Variants in SOX6 observed in about 807,000 individuals in gnomAD.
SOX6 encodes the protein SRY-box transcription factor 6, also known as transcription factor SOX-6.
SOX6 carries 11 observed loss-of-function variants against 97.8 expected under a neutral mutation model. That is an observed-to-expected ratio of 0.11 (90% CI 0.07 to 0.19). The LOEUF (loss-of-function observed/expected upper bound fraction) is 0.19. SOX6 is among the 10% of genes least tolerant of loss of function. The probability of loss-of-function intolerance (pLI) is 1.00; values close to 1 mark genes in which losing one functional copy is unlikely to be tolerated. For missense variants in SOX6, 810 were observed against 1,039.5 expected (o/e 0.78, Z 3.04); for synonymous variants, 360 against 371.4 (o/e 0.97, Z 0.35).
rs1395635178 is a variant in SOX6 at position 15,986,326 on chromosome 11, G to A, written c.2061C>T (p.Asn687=). 1.9e-6 allele frequency: 3 copies of A among 1,614,100 alleles called. No homozygotes were observed. The highest frequency in any genetic ancestry group is 3.3e-5 in the Admixed American group (2 of 60,010). ...GTTTCGGTCGGGGTTTGTATTTATA[G>A]TTTGGGTACTTCTCTAAGTGGATCT... ...LSKIHLEKYP[N]YKYKPRPKRT... The change falls in exon 15 of 16, where the codon AAC becomes AAT. Residue 687 remains asparagine, a synonymous_variant. Coordinates refer to ENST00000683767, the MANE Select transcript of SOX6 (RefSeq NM_001367873.1).
chr11:16,682,370 A>G (rs1847934846), intron 3 of SOX6, among the ~76,000 whole-genome samples: 1 of 152,190 alleles, frequency 6.6e-6, no homozygotes, highest in Non-Finnish European at 1.5e-5. Flanking sequence ...CCAGCAGCAT[A>G]TGAAAAAGTT....
At chr11:16,347,487 G>A (rs1280621681) in intron 1 of SOX6, among the ~76,000 whole-genome samples, 1 of 152,076 alleles carries the variant, frequency 6.6e-6, no homozygotes, top group East Asian at 1.9e-4. Context: ...ATAGCTCAAC[G>A]AAAGACCTCT....
chr11:16,525,450 T>A (rs1310151542), intron 4 of SOX6, among the ~76,000 whole-genome samples: 2 of 152,050 alleles, frequency 1.3e-5, no homozygotes, highest in Non-Finnish European at 2.9e-5. Context: ...TGAAATTGGA[T>A]CCCTTCCTTA....
At chr11:16,150,314 T>A (rs1374038377) in intron 6 of SOX6, among the ~76,000 whole-genome samples, 1 of 152,026 alleles carries the variant, frequency 6.6e-6, no homozygotes, top group Non-Finnish European at 1.5e-5. Context: ...AAACCCAGAG[T>A]TCTTTTCAAA....
chr11:16,483,346 CT>C (rs1319532623), intron 4 of SOX6, among the ~76,000 whole-genome samples: 8 of 149,470 alleles, frequency 5.4e-5, no homozygotes, highest in Non-Finnish European at 7.4e-5. Context: ...CAAGATAAAT[CT>C]TTTTTTTTTC....
At chr11:16,278,633 C>T (rs72869940) in intron 3 of SOX6, among the ~76,000 whole-genome samples, 3 of 150,492 alleles carry the variant, frequency 2.0e-5, no homozygotes, top group Non-Finnish European at 3.0e-5. Flanking sequence ...AAGTTTAGAG[C>T]TTGATTAAAA....
upstream of SOX6, among the ~76,000 whole-genome samples, chr11:16,480,512 T>C (rs539238449): frequency 6.6e-6 from 1 of 152,082 alleles, no homozygotes; most frequent in African/African-American, 2.4e-5. Flanking sequence ...AAATAGGTAA[T>C]AGATCAAAGG....
At position 16,154,370 on chromosome 11, in the gene SOX6, A is replaced by G. The variant is rs542397433; in HGVS notation, c.777+29516T>C. ...TAATTAACATGCTGCGACAAATTAC[A>G]GAAATCTATTTTTTATGTAATTTTT... On this transcript the variant is annotated intron_variant, in intron 6 of 15. Coordinates refer to ENST00000683767, the MANE Select transcript of SOX6 (RefSeq NM_001367873.1). Among the ~76,000 whole-genome samples, 31 of 152,290 alleles carry G rather than the reference A, an allele frequency of 2.0e-4. No individual in the cohort carries two copies. In the South Asian group the frequency reaches 6.2e-3, roughly 31 times the overall value.
intron 6 of SOX6, among the ~76,000 whole-genome samples, chr11:16,155,199 C>G (rs920529939): frequency 6.6e-6 from 1 of 152,070 alleles, no homozygotes; most frequent in Non-Finnish European, 1.5e-5. Flanking sequence ...TGGTTAGGAT[C>G]CAGGGCTCTA....
intron 6 of SOX6, among the ~76,000 whole-genome samples, chr11:16,181,603 G>A (rs1590003602): frequency 1.3e-5 from 2 of 148,244 alleles, no homozygotes; most frequent in Non-Finnish European, 3.0e-5. Context: ...TACCTGTTTT[G>A]TAAGTCTCAG....
rs1848383525 is a variant in SOX6 at position 16,610,474 on chromosome 11, C to T, written n.609+1607G>A. ...CCAGATGCAGGCCGCTAGCGGGAGG[C>T]AAGAAGGAAAAGAAGGAGACATTAT... On this transcript the variant is annotated intron_variant and non_coding_transcript_variant, in intron 4 of 5. Transcript: ENST00000524520. The surrounding 1 kb of genome is among the most constrained non-coding windows in gnomAD (Gnocchi z 4.4). 6.6e-6 allele frequency among the ~76,000 whole-genome samples: 1 copy of T among 152,056 alleles called. No individual in the cohort carries two copies. Among genetic ancestry groups the T allele is most frequent in the African/African-American group, 2.4e-5 (1 of 41,392 alleles).
chr11:16,665,301 AG>A (rs767020636), intron 3 of SOX6, among the ~76,000 whole-genome samples: 2 of 152,040 alleles, frequency 1.3e-5, no homozygotes, highest in Non-Finnish European at 2.9e-5. Flanking sequence ...TCAGGGCCAA[AG>A]GGGAGCCCAC....
intron 3 of SOX6, among the ~76,000 whole-genome samples, chr11:16,243,350 A>C (rs1329410988): frequency 1.3e-5 from 2 of 151,958 alleles, no homozygotes; most frequent in African/African-American, 2.4e-5. Flanking sequence ...CTACATATTA[A>C]GTTTCTTGAT....
chr11:16,225,617 T>G (rs924952613), intron 4 of SOX6, among the ~76,000 whole-genome samples: 17 of 152,164 alleles, frequency 1.1e-4, no homozygotes, highest in Non-Finnish European at 2.9e-5. Context: ...GATAGTAACC[T>G]GTGTTGCAGA....
intron 1 of SOX6, among the ~76,000 whole-genome samples, chr11:16,463,916 C>T (rs905690270): frequency 1.7e-4 from 26 of 151,912 alleles, no homozygotes; most frequent in African/African-American, 6.0e-4. Flanking sequence ...CCCTTTTATC[C>T]CTAAGTTAAA....
intron 9 of SOX6, among the ~76,000 whole-genome samples, chr11:16,082,773 A>T (rs1358013069): frequency 6.6e-6 from 1 of 152,184 alleles, no homozygotes; most frequent in Non-Finnish European, 1.5e-5. Context: ...ACTATACCTT[A>T]TACTACTTTA....
chr11:16,297,482 G>T (rs796791393), intron 3 of SOX6, among the ~76,000 whole-genome samples: 28 of 152,126 alleles, frequency 1.8e-4, no homozygotes, highest in African/African-American at 6.5e-4. Context: ...ATATTGTAAG[G>T]CAGAAAAAAA....
At chr11:16,210,721 C>T (rs1232737248) in intron 4 of SOX6, among the ~76,000 whole-genome samples, 1 of 152,190 alleles carries the variant, frequency 6.6e-6, no homozygotes, top group Non-Finnish European at 1.5e-5. Context: ...GCATCTCTCG[C>T]ACTCACTACA....
intron 12 of SOX6, among the ~76,000 whole-genome samples, chr11:16,029,789 A>C (rs1201596765): frequency 1.3e-5 from 2 of 152,240 alleles, no homozygotes; most frequent in Non-Finnish European, 2.9e-5. Flanking sequence ...AAAATTTTTA[A>C]TGGCATTTTC....
Sources: gnomAD v4.1 joint callset for allele counts (sites outside exome capture counted in the v4.1 genomes callset) on GRCh38, gnomAD v4.1.1 for gene constraint, Gnocchi (gnomAD v3.1) non-coding constraint, MANE v1.5 for transcripts, NCBI Gene and HGNC (gene_info 2026-07-23, HGNC 2026-07-21) for gene names.